LAMC2: variants seen among roughly 807,000 people sequenced by gnomAD.
LAMC2 encodes laminin subunit gamma 2.
Under a neutral mutation model 140.2 loss-of-function variants are expected in LAMC2, and 97 were observed. The observed-to-expected ratio is 0.69, with a 90% CI of 0.59 to 0.82. LAMC2 has a LOEUF of 0.82. Among genes scored for constraint, LAMC2 ranks in the 40% least tolerant of loss-of-function variants. The probability of loss-of-function intolerance (pLI) is 0.00; values close to 1 mark genes in which losing one functional copy is unlikely to be tolerated. For synonymous variants in LAMC2, 513 were observed against 540.2 expected (o/e 0.95, Z 0.70); for missense variants, 1,402 against 1,476.1 (o/e 0.95, Z 0.82).
At chr1:183,230,916 C>G in intron 11 of LAMC2, 45 bp from the exon 12 acceptor site, 1 of 1,612,272 alleles carries the variant, frequency 6.2e-7, no homozygotes, top group African/African-American at 1.3e-5. Context: ...CCTCCACTTT[C>G]TAGACTAGTT....
Position 183,239,566 on chromosome 1 carries a change from A to G in LAMC2, c.3069+3A>G, listed in dbSNP as rs776470521. The G allele has an allele frequency of 6.2e-7, 1 of 1,612,588 alleles. No individual in the cohort carries two copies. Among genetic ancestry groups the G allele is most frequent in the Non-Finnish European group, 8.5e-7 (1 of 1,179,260 alleles). On this transcript the variant is annotated splice_donor_region_variant and intron_variant, in intron 20 of 22. Coordinates refer to ENST00000264144, the MANE Select transcript of LAMC2 (RefSeq NM_005562.3). ...AAATCTCCAGTGAGATTGAACAGGTAAAGAGAAATCGACATGTGTGTTGGT... is the reference window on the plus strand; with the variant it reads ...AAATCTCCAGTGAGATTGAACAGGTGAAGAGAAATCGACATGTGTGTTGGT...
rs753132122 is a variant in LAMC2 at position 183,232,664 on chromosome 1, C to T, written c.2027C>T (p.Ser676Phe). 8 of 1,612,912 alleles carry T rather than the reference C, an allele frequency of 5.0e-6. No homozygotes were observed. Among genetic ancestry groups the T allele is most frequent in the Non-Finnish European group, 5.1e-6 (6 of 1,179,780 alleles). Residue 676 changes from serine to phenylalanine, a missense_variant, in exon 14 of 23, where the codon TCC becomes TTC. Ser to Phe is a radical substitution (Grantham distance 155). Around this residue, in one of 3 missense-constraint regions of LAMC2, gnomAD observed 670 missense variants for 667.2 expected, o/e 1.00. Coordinates refer to ENST00000264144, the MANE Select transcript of LAMC2 (RefSeq NM_005562.3). ...DAQISEGASRSLGLQLAKVRS... is the reference protein window; with the variant it reads ...DAQISEGASRFLGLQLAKVRS... ...TCTTTGCGTTCAGGTGCTAGCAGATCCCTTGGTCTCCAGTTGGCCAAGGTG... is the reference window on the plus strand; with the variant it reads ...TCTTTGCGTTCAGGTGCTAGCAGATTCCTTGGTCTCCAGTTGGCCAAGGTG...
rs774911353 is a variant in LAMC2, at chr1:183,207,842, T to TTC, written c.80-38_80-37insCT. On this transcript the variant is annotated intron_variant, in intron 1 of 22. Coordinates refer to ENST00000264144, the MANE Select transcript of LAMC2 (RefSeq NM_005562.3). ...TAGAACAGTTCCTGAGGTGTTTTTT[T>TTC]TTTTTTTTGACGATCTCTTTTGTAT... is the stretch of plus-strand genomic sequence containing the variant. The TTC allele has an allele frequency of 2.0e-6, 3 of 1,532,572 alleles. No homozygotes were observed. The African/African-American group carries it at 4.2e-5, about 21-fold the overall frequency. 94.9% of individuals were successfully genotyped at this position (1,532,572 alleles called of 1,614,324 possible).
chr1:183,213,103 A>G (rs1659121757), intron 2 of LAMC2, among the ~76,000 whole-genome samples: 1 of 152,206 alleles, frequency 6.6e-6, no homozygotes, highest in African/African-American at 2.4e-5. Context: ...GCCTGCCTAA[A>G]CCTCTGAGAG....
Position 183,215,720 on chromosome 1 carries a change from A to G in LAMC2, c.404+132A>G, listed in dbSNP as rs908275183. On this transcript the variant is annotated intron_variant, in intron 3 of 22. Coordinates refer to ENST00000264144, the MANE Select transcript of LAMC2 (RefSeq NM_005562.3). Reference sequence around the variant, plus strand: ...GCTTTGAGAGTACATCATTTGGGCTATCTACTTTAATCCTCACAATACCCC... The same window carrying G: ...GCTTTGAGAGTACATCATTTGGGCTGTCTACTTTAATCCTCACAATACCCC... The G allele has an allele frequency of 5.8e-6, 6 of 1,039,746 alleles. No homozygotes were observed. In the African/African-American group the frequency reaches 9.5e-5, roughly 16 times the overall value. The allele number at this position is 1,039,746 out of a possible 1,614,324, so 64.4% of individuals were successfully genotyped here.
Position 183,208,070 on chromosome 1 carries a change from G to A in LAMC2, c.268+1G>A, listed in dbSNP as rs759509443. On this transcript the variant is annotated splice_donor_variant, in intron 2 of 22. Transcript: ENST00000264144. LOFTEE classifies it high-confidence loss of function. ...TTGCCCTGCAATTGTAACTCCAAAG[G>A]TAGCTGAAAAGGACGGAAAGAGGGA... 3.1e-6 allele frequency: 5 copies of A among 1,613,718 alleles called. No homozygotes were observed. In the South Asian group the frequency reaches 5.5e-5, roughly 18 times the overall value.
chr1:183,198,733 G>A (rs1003642907), intron 1 of LAMC2, among the ~76,000 whole-genome samples: 3 of 152,154 alleles, frequency 2.0e-5, no homozygotes, highest in Non-Finnish European at 2.9e-5. Flanking sequence ...CTGCCTCATC[G>A]CCTTGCCCTC....
intron 1 of LAMC2, among the ~76,000 whole-genome samples, chr1:183,188,834 A>T (rs1333340635): frequency 6.6e-6 from 1 of 152,178 alleles, no homozygotes; most frequent in East Asian, 1.9e-4. Flanking sequence ...CTGGAGAAGG[A>T]TTGAGAAAGA....
chr1:183,195,442 CT>C lies in LAMC2; in HGVS notation c.79+9014del, dbSNP rs1658484305. 2.6e-5 allele frequency among the ~76,000 whole-genome samples: 4 copies of C among 152,184 alleles called. No individual in the cohort carries two copies. The South Asian group carries it at 6.2e-4, about 24-fold the overall frequency. ...TCAGAGTTGAAAAAACTGACCCATA[CT>C]TTATGATTCAAAATTGCCTGTGAGA... On this transcript the variant is annotated intron_variant, in intron 1 of 22. Transcript: ENST00000264144.
Position 183,228,436 on chromosome 1 carries a change from G to T in LAMC2, c.1531G>T (p.Val511Leu), listed in dbSNP as rs1659698005. ...FGDPFGEHGP[V>L]RPCQPCQCNN... ...GGACCCCTTTGGTGAACATGGCCCA[G>T]TGAGGCCTTGTCAGCCCTGTCAATG... Residue 511 changes from valine to leucine, a missense_variant, in exon 11 of 23, where the codon GTG (valine) becomes TTG (leucine). Val to Leu is a conservative substitution (Grantham distance 32, BLOSUM62 1). Transcript: ENST00000264144. This position sits in a 1 kb window ranked among gnomAD's most constrained non-coding sequence, Gnocchi z 4.3. The T allele has an allele frequency of 1.2e-6, 2 of 1,613,970 alleles. No homozygotes were observed. Among genetic ancestry groups the T allele is most frequent in the South Asian group, 2.2e-5 (2 of 91,066 alleles).
intron 1 of LAMC2, among the ~76,000 whole-genome samples, chr1:183,187,589 G>A (rs181675691): frequency 2.6e-5 from 4 of 151,376 alleles, no homozygotes; most frequent in Non-Finnish European, 5.9e-5. Flanking sequence ...TGTGTATATC[G>A]AAACATCATG....
chr1:183,222,149 A>G lies in LAMC2; in HGVS notation c.701A>G (p.Gln234Arg). ...NGSPAKLQWSQRHQDVFSSAQ... is the reference protein window; with the variant it reads ...NGSPAKLQWSRRHQDVFSSAQ... ...TCTCCTGCAAAGCTCCAATGGTCAC[A>G]GCGCCATCAAGATGTGTTTAGCTCA... is the stretch of plus-strand genomic sequence containing the variant. Residue 234 changes from glutamine (Q) to arginine (R), a missense_variant, in exon 6 of 23, where the codon CAG becomes CGG. Gln to Arg is a conservative substitution (Grantham distance 43). Coordinates refer to ENST00000264144, the MANE Select transcript of LAMC2 (RefSeq NM_005562.3). The G allele has an allele frequency of 6.2e-7, 1 of 1,614,192 alleles. No individual in the cohort carries two copies. The highest frequency in any genetic ancestry group is 8.5e-7 in the Non-Finnish European group (1 of 1,179,986).
intron 13 of LAMC2, 99 bp downstream of exon 13, chr1:183,232,442 C>A: frequency 1.5e-6 from 2 of 1,357,242 alleles, no homozygotes; most frequent in Non-Finnish European, 2.1e-6. Flanking sequence ...ATCAGTTCAG[C>A]AGTTATCTCC....
chr1:183,216,392 T>C (rs748419442), intron 3 of LAMC2, among the ~76,000 whole-genome samples: 7 of 152,152 alleles, frequency 4.6e-5, no homozygotes, highest in Non-Finnish European at 8.8e-5. Context: ...CTCTGTTAGC[T>C]CCGCCTCCCC....
intron 15 of LAMC2, among the ~76,000 whole-genome samples, chr1:183,235,247 G>A (rs1261760705): frequency 2.0e-5 from 3 of 152,108 alleles, no homozygotes; most frequent in Non-Finnish European, 4.4e-5. Flanking sequence ...AGACCTAGAG[G>A]TTTCTTCCTG....
rs1464551818 is a variant in LAMC2, at chr1:183,236,167, G to A, written c.2457-293G>A. Among the ~76,000 whole-genome samples, 9 of 152,092 alleles carry A rather than the reference G, an allele frequency of 5.9e-5. No homozygotes were observed. The South Asian group carries it at 1.9e-3, about 32-fold the overall frequency. On this transcript the variant is annotated intron_variant, in intron 16 of 22. Coordinates refer to ENST00000264144, the MANE Select transcript of LAMC2 (RefSeq NM_005562.3). The stretch of plus-strand genomic sequence containing the variant: ...AGTATCTGATAAATAATTTTGTTTG[G>A]TTCTTCTGGTTATTCTAACTACATA...
In LAMC2 at chr1:183,228,367, T is replaced by C. The variant is rs774746371; in HGVS notation, c.1469-7T>C. ...CGACCTAGGCTTGGTCATTTGTTCC[T>C]TCCCAGGTGCCCGCTGTGAGCTCTG... On this transcript the variant is annotated splice_polypyrimidine_tract_variant and splice_region_variant and intron_variant, in intron 10 of 22. Transcript: ENST00000264144. The surrounding 1 kb of genome is among the most constrained non-coding windows in gnomAD (Gnocchi z 4.3). The C allele has an allele frequency of 1.2e-5, 20 of 1,614,188 alleles. No homozygotes were observed. The highest frequency in any genetic ancestry group is 1.7e-5 in the Non-Finnish European group (20 of 1,180,032).
Position 183,232,665 on chromosome 1 carries a change from C to A in LAMC2, c.2028C>A (p.Ser676=). 6.2e-7 allele frequency: 1 copy of A among 1,613,018 alleles called. No homozygotes were observed. Among genetic ancestry groups the A allele is most frequent in the Non-Finnish European group, 8.5e-7 (1 of 1,179,868 alleles). The change falls in exon 14 of 23, where the codon TCC becomes TCA. Residue 676 remains serine (S), a synonymous_variant. Coordinates refer to ENST00000264144, the MANE Select transcript of LAMC2 (RefSeq NM_005562.3). ...DAQISEGASR[S]LGLQLAKVRS... The stretch of plus-strand genomic sequence containing the variant: ...CTTTGCGTTCAGGTGCTAGCAGATC[C>A]CTTGGTCTCCAGTTGGCCAAGGTGA...
chr1:183,257,306 T>C, the LAMC2 span, among the ~76,000 whole-genome samples: 7 of 151,874 alleles, frequency 4.6e-5, no homozygotes, highest in African/African-American at 1.7e-4. Flanking sequence ...CTGGGTGTGG[T>C]GGCAGGCACC....
Sources: allele counts gnomAD v4.1 joint callset (sites outside exome capture counted in the v4.1 genomes callset), GRCh38; gene constraint gnomAD v4.1.1; regional missense constraint gnomAD v4.1.1; non-coding constraint Gnocchi (gnomAD v3.1); transcripts MANE v1.5; gene names NCBI Gene and HGNC (gene_info 2026-07-23, HGNC 2026-07-21).